The following HECW1 variants were observed in gnomAD, a reference collection of about 807,000 sequenced individuals.
The protein encoded by HECW1 is E3 ubiquitin-protein ligase HECW1.
HECW1 carries 61 observed loss-of-function variants against 182.3 expected under a neutral mutation model. That is an observed-to-expected ratio of 0.33 (90% CI 0.27 to 0.41). The LOEUF (loss-of-function observed/expected upper bound fraction) is 0.41. Among genes scored for constraint, HECW1 ranks in the 10% least tolerant of loss-of-function variants. HECW1 has a pLI of 1.00. For synonymous variants in HECW1, 859 were observed against 832.6 expected (o/e 1.03, Z -0.55); for missense variants, 1,739 against 2,108.9 (o/e 0.82, Z 3.44).
At chr7:43,219,972 G>A (rs1796810950) in intron 2 of HECW1, among the ~76,000 whole-genome samples, 1 of 152,100 alleles carries the variant, frequency 6.6e-6, no homozygotes, top group Non-Finnish European at 1.5e-5. Flanking sequence ...GGGAAACTGA[G>A]GAAGGCTCCT....
At chr7:43,164,223 G>A (rs370285400) in intron 2 of HECW1, among the ~76,000 whole-genome samples, 1 of 152,220 alleles carries the variant, frequency 6.6e-6, no homozygotes, top group African/African-American at 2.4e-5. Flanking sequence ...AGACAGGGAG[G>A]CAGCAGAGAA....
intron 5 of HECW1, among the ~76,000 whole-genome samples, chr7:43,338,397 T>C (rs1360178788): frequency 6.6e-6 from 1 of 152,236 alleles, no homozygotes; most frequent in Non-Finnish European, 1.5e-5. Context: ...GATCTAACTT[T>C]TGATTTTCTT....
Position 43,410,769 on chromosome 7 carries a change from A to G in HECW1, c.801+3038A>G, listed in dbSNP as rs80160500. Among the ~76,000 whole-genome samples the G allele has an allele frequency of 6.7e-3, 1,019 of 152,228 alleles. 13 individuals carry two copies. The highest frequency in any genetic ancestry group is 0.023 in the African/African-American group (952 of 41,552). On this transcript the variant is annotated intron_variant, in intron 8 of 29. Transcript: ENST00000395891. ...CATTTGTCTTTCAAGAAATATTGCC[A>G]TCTTTTTGTGTTGTTTGGCATAAAG...
At chr7:43,261,188 A>G (rs1304370362) in intron 3 of HECW1, among the ~76,000 whole-genome samples, 1 of 152,196 alleles carries the variant, frequency 6.6e-6, no homozygotes, top group African/African-American at 2.4e-5. Flanking sequence ...CCTGGAACTG[A>G]TAAGAGAAGT....
rs750980231 is a variant in HECW1 at position 43,396,842 on chromosome 7, C to T, written c.584C>T (p.Thr195Ile). 3 of 1,612,818 alleles carry T rather than the reference C, an allele frequency of 1.9e-6. No individual in the cohort carries two copies. The highest frequency in any genetic ancestry group is 2.2e-5 in the South Asian group (2 of 91,014). Reference protein sequence around the residue: ...PIFKSIGADETVQGQGSRRLI... With the variant: ...PIFKSIGADEIVQGQGSRRLI... ...TTTAAAAGCATTGGTGCTGATGAGA[C>T]CGTCCAAGGACAAGGAAGTCGGAGG... Residue 195 changes from threonine to isoleucine, a missense_variant, in exon 7 of 30, where the codon ACC (threonine) becomes ATC (isoleucine). Thr to Ile is a moderately conservative substitution (Grantham distance 89, BLOSUM62 -1). This residue lies in a region of HECW1 where 279 missense variants were observed against 353.1 expected (regional missense o/e 0.79). Coordinates refer to ENST00000395891, the MANE Select transcript of HECW1 (RefSeq NM_015052.5).
chr7:43,419,492 A>G (rs1255009773), intron 8 of HECW1, among the ~76,000 whole-genome samples: 1 of 152,204 alleles, frequency 6.6e-6, no homozygotes, highest in Non-Finnish European at 1.5e-5. Flanking sequence ...CCTATAAGCT[A>G]ATATAGGTTT....
intron 8 of HECW1, among the ~76,000 whole-genome samples, chr7:43,430,875 G>A (rs374760923): frequency 2.9e-4 from 44 of 151,232 alleles, no homozygotes; most frequent in African/African-American, 1.0e-3. Flanking sequence ...TCTGCCTCCT[G>A]GGTTCAAGCA....
At chr7:43,127,523 C>CAAAAAAA (rs71562078) in intron 2 of HECW1, among the ~76,000 whole-genome samples, 11 of 57,266 alleles carry the variant, frequency 1.9e-4, no homozygotes, top group African/African-American at 6.9e-4. Context: ...AACTCCATCT[C>CAAAAAAA]AAAAAAAAAA....
At chr7:43,376,037 T>TAC (rs1190118447) in intron 6 of HECW1, among the ~76,000 whole-genome samples, 1 of 143,678 alleles carries the variant, frequency 7.0e-6, no homozygotes, top group Non-Finnish European at 1.5e-5. Context: ...TGTATATATA[T>TAC]ACACACATAT....
At chr7:43,201,441 A>G (rs72585569) in intron 2 of HECW1, among the ~76,000 whole-genome samples, 7,080 of 152,300 alleles carry the variant, frequency 0.046, 257 homozygotes, top group East Asian at 0.15. Context: ...GGATGCCCAG[A>G]AGTCAAATTG....
intron 2 of HECW1, among the ~76,000 whole-genome samples, chr7:43,234,778 C>A (rs1798171589): frequency 6.6e-6 from 1 of 152,224 alleles, no homozygotes; most frequent in South Asian, 2.1e-4. Flanking sequence ...GGCCTGTAGG[C>A]TGTGTTGCTC....
chr7:43,241,789 A>G (rs1313643470), intron 2 of HECW1, among the ~76,000 whole-genome samples: 1 of 152,154 alleles, frequency 6.6e-6, no homozygotes, highest in Non-Finnish European at 1.5e-5. Context: ...GATAGACATT[A>G]AACAAATATA....
At chr7:43,115,805 C>A (rs1454454465) in intron 2 of HECW1, among the ~76,000 whole-genome samples, 1 of 152,214 alleles carries the variant, frequency 6.6e-6, no homozygotes, top group African/African-American at 2.4e-5. Flanking sequence ...TTAACCACTT[C>A]TTCTCCTGTT....
intron 6 of HECW1, among the ~76,000 whole-genome samples, chr7:43,384,707 G>C (rs1025878474): frequency 6.6e-6 from 1 of 152,148 alleles, no homozygotes; most frequent in African/African-American, 2.4e-5. Context: ...ACACTCACAT[G>C]AATGAGCCAT....
intron 5 of HECW1, among the ~76,000 whole-genome samples, chr7:43,358,456 A>T (rs1395670324): frequency 6.6e-6 from 1 of 152,212 alleles, no homozygotes; most frequent in African/African-American, 2.4e-5. Flanking sequence ...CGAGAAAGTG[A>T]CTCAGGAAGG....
At chr7:43,469,190 G>A (rs2152899431) in intron 16 of HECW1, 85 bp downstream of exon 16, 1 of 1,392,028 alleles carries the variant, frequency 7.2e-7, no homozygotes, top group East Asian at 2.3e-5. Flanking sequence ...AGGAGAGTGT[G>A]GGGAGGAGTT....
chr7:43,513,683 T>G (rs374201161), intron 24 of HECW1, among the ~76,000 whole-genome samples: 80 of 151,126 alleles, frequency 5.3e-4, no homozygotes, highest in African/African-American at 1.6e-3. Context: ...TGGGTTTTGG[T>G]TTTTTTTTGT....
At chr7:43,245,005 T>C (rs1478007549) in intron 3 of HECW1, among the ~76,000 whole-genome samples, 1 of 152,230 alleles carries the variant, frequency 6.6e-6, no homozygotes, top group Non-Finnish European at 1.5e-5. Context: ...TGCTGCCTAC[T>C]CATGCAGAGG....
chr7:43,261,843 GTT>G (rs1013298734), intron 3 of HECW1, among the ~76,000 whole-genome samples: 56 of 152,032 alleles, frequency 3.7e-4, no homozygotes, highest in African/African-American at 1.3e-3. Flanking sequence ...TTTTTGCTTT[GTT>G]TTGTTTTTTA....
Sources: gnomAD v4.1 joint callset for allele counts (sites outside exome capture counted in the v4.1 genomes callset) on GRCh38, gnomAD v4.1.1 for gene constraint, gnomAD v4.1.1 regional missense constraint, MANE v1.5 for transcripts, NCBI Gene and HGNC (gene_info 2026-07-23, HGNC 2026-07-21) for gene names.